Variants in CBFA2T3 observed in about 807,000 individuals in gnomAD.
The protein encoded by CBFA2T3 is CBFA2/RUNX1 partner transcriptional co-repressor 3.
CBFA2T3 carries 31 observed loss-of-function variants against 58.6 expected under a neutral mutation model. The ratio of observed to expected loss-of-function variants is 0.53; its 90% CI spans 0.40 to 0.71. The LOEUF (loss-of-function observed/expected upper bound fraction) is 0.71. Among genes scored for constraint, CBFA2T3 ranks in the 30% least tolerant of loss-of-function variants. CBFA2T3 has a pLI of 0.00. For synonymous variants in CBFA2T3, 531 were observed against 421.9 expected, an observed-to-expected ratio of 1.26 and a Z score of -3.17; for missense variants, 1,076 against 963.1, an observed-to-expected ratio of 1.12 and a Z score of -1.55.
At chr16:88,962,870 G>A (rs1233908281) in intron 1 of CBFA2T3, among the ~76,000 whole-genome samples, 2 of 152,228 alleles carry the variant, frequency 1.3e-5, no homozygotes, top group African/African-American at 4.8e-5. Flanking sequence ...TGAATTCCCA[G>A]GTCCACTCGG....
At chr16:88,975,399 C>T (rs1972830529) in intron 1 of CBFA2T3, among the ~76,000 whole-genome samples, 1 of 152,248 alleles carries the variant, frequency 6.6e-6, no homozygotes, top group Admixed American at 6.5e-5. Flanking sequence ...TCTCCATGCG[C>T]CTCAGAGCCC....
At chr16:88,912,868 T>C (rs1338607135) in intron 1 of CBFA2T3, among the ~76,000 whole-genome samples, 1 of 152,080 alleles carries the variant, frequency 6.6e-6, no homozygotes, top group African/African-American at 2.4e-5. Flanking sequence ...CCCTCATCCA[T>C]TAAGTGGGAG....
intron 1 of CBFA2T3, among the ~76,000 whole-genome samples, chr16:88,914,932 T>C (rs1416950096): frequency 1.7e-5 from 2 of 120,012 alleles, no homozygotes; most frequent in Non-Finnish European, 3.6e-5. Flanking sequence ...CTGAGCGCCC[T>C]GGGGGAGGTG....
At chr16:88,907,807 T>TTTGC (rs1354386633) in intron 1 of CBFA2T3, among the ~76,000 whole-genome samples, 1 of 152,228 alleles carries the variant, frequency 6.6e-6, no homozygotes, top group Non-Finnish European at 1.5e-5. Context: ...GAGCAGGGGC[T>TTTGC]TTGCCTGTCC....
intron 1 of CBFA2T3, among the ~76,000 whole-genome samples, chr16:88,909,478 G>C (rs1446132553): frequency 2.0e-5 from 3 of 151,998 alleles, no homozygotes; most frequent in Non-Finnish European, 4.4e-5. Flanking sequence ...TACATCCCGG[G>C]TGACCCCGAC....
In CBFA2T3 at chr16:88,915,186, AGGT is replaced by A. The variant is rs1323590503; in HGVS notation, c.152-13533_152-13531del. On this transcript the variant is annotated intron_variant, in intron 1 of 11. Coordinates refer to ENST00000268679, the MANE Select transcript of CBFA2T3 (RefSeq NM_005187.6). The stretch of plus-strand genomic sequence containing the variant: ...GGATCCGTGTGCTGGGGGTGCCGCC[AGGT>A]GGTGGCGTGGGTGTGGGGTGGGGAG... 3.6e-3 allele frequency among the ~76,000 whole-genome samples: 246 copies of A among 69,048 alleles called. 1 individual carries two copies. Among genetic ancestry groups the A allele is most frequent in the African/African-American group, 0.013 (228 of 17,144 alleles). The allele number at this position is 69,048 out of a possible 152,430, so 45.3% of individuals were successfully genotyped here.
chr16:88,917,815 A>T (rs960650955), intron 1 of CBFA2T3, among the ~76,000 whole-genome samples: 2 of 152,096 alleles, frequency 1.3e-5, no homozygotes, highest in African/African-American at 4.8e-5. Flanking sequence ...TGCAGACGAG[A>T]GTGTGCGTGA....
intron 1 of CBFA2T3, among the ~76,000 whole-genome samples, chr16:88,934,125 C>T (rs924532118): frequency 4.6e-5 from 7 of 152,228 alleles, no homozygotes; most frequent in South Asian, 2.1e-4. Flanking sequence ...CCTGGCATGC[C>T]GAAGCTCCCT....
intron 1 of CBFA2T3, among the ~76,000 whole-genome samples, chr16:88,956,708 G>T (rs1187680033): frequency 1.3e-5 from 2 of 152,220 alleles, no homozygotes; most frequent in Non-Finnish European, 2.9e-5. Context: ...TGCTGGCGGA[G>T]CCCTGGGAGA....
chr16:88,905,305 C>T (rs561199044), intron 1 of CBFA2T3, among the ~76,000 whole-genome samples: 4 of 152,112 alleles, frequency 2.6e-5, no homozygotes, highest in Admixed American at 6.5e-5. Flanking sequence ...CTGCTCTCCC[C>T]CAGTGCGGGG....
chr16:88,938,107 T>G (rs1597758300), intron 1 of CBFA2T3: 1 of 152,236 alleles, frequency 6.6e-6, no homozygotes, highest in African/African-American at 2.4e-5. Flanking sequence ...GCCTTGGGGC[T>G]CCATGACCCA....
At chr16:88,941,956 G>T (rs1971755535) in intron 1 of CBFA2T3, 3 of 151,000 alleles carry the variant, frequency 2.0e-5, no homozygotes, top group Admixed American at 6.6e-5. Context: ...GCGGCGCCTG[G>T]CCCGGCCCGG....
intron 1 of CBFA2T3, among the ~76,000 whole-genome samples, chr16:88,968,885 T>C (rs907456238): frequency 2.6e-5 from 4 of 151,974 alleles, no homozygotes; most frequent in Admixed American, 6.6e-5. Flanking sequence ...TGGACCTGAG[T>C]GCCATGTGAC....
chr16:88,948,129 G>A (rs1043279856), intron 1 of CBFA2T3, among the ~76,000 whole-genome samples: 24 of 152,192 alleles, frequency 1.6e-4, no homozygotes, highest in Admixed American at 1.2e-3. Flanking sequence ...AACGGGAGCT[G>A]TGTCCTAACC....
intron 1 of CBFA2T3, among the ~76,000 whole-genome samples, chr16:88,913,033 C>T (rs1196830231): frequency 6.6e-6 from 1 of 152,260 alleles, no homozygotes; most frequent in Non-Finnish European, 1.5e-5. Context: ...CTGCCAAAGC[C>T]CCTGCCCTTT....
intron 1 of CBFA2T3, among the ~76,000 whole-genome samples, chr16:88,930,928 G>A (rs371265936): frequency 3.0e-4 from 45 of 151,732 alleles, no homozygotes; most frequent in African/African-American, 9.9e-4. Context: ...GCGAGCTGGC[G>A]GGGGGCGTGG....
chr16:88,881,587 G>A, intron 8 of CBFA2T3, 98 bp from the exon 9 acceptor site: 5 of 1,230,848 alleles, frequency 4.1e-6, no homozygotes, highest in Non-Finnish European at 3.4e-6. Flanking sequence ...CAGGATGGGT[G>A]CCCGACCAGC....
At chr16:88,952,350 A>G (rs2142842933) in intron 1 of CBFA2T3, among the ~76,000 whole-genome samples, 1 of 152,080 alleles carries the variant, frequency 6.6e-6, no homozygotes, top group South Asian at 2.1e-4. Flanking sequence ...GACGGCTTTC[A>G]GCAAGACAAA....
rs565517302 is a variant in CBFA2T3, at chr16:88,898,673, T to C, written c.305-521A>G. 4.6e-5 allele frequency among the ~76,000 whole-genome samples: 7 copies of C among 152,328 alleles called. No individual in the cohort carries two copies. The South Asian group carries it at 8.3e-4, about 18-fold the overall frequency. ...TCCTAAAAGCGACCTGAGACTCGGCTTGGAGTCTCTGAAACAAAGCCCTGG... is the reference window on the plus strand; with the variant it reads ...TCCTAAAAGCGACCTGAGACTCGGCCTGGAGTCTCTGAAACAAAGCCCTGG... On this transcript the variant is annotated intron_variant, in intron 2 of 11. Coordinates refer to ENST00000268679, the MANE Select transcript of CBFA2T3 (RefSeq NM_005187.6).
Sources: allele counts gnomAD v4.1 joint callset (sites outside exome capture counted in the v4.1 genomes callset), GRCh38; gene constraint gnomAD v4.1.1; transcripts MANE v1.5; gene names NCBI Gene and HGNC (gene_info 2026-07-23, HGNC 2026-07-21).